PRKG1: variants seen among roughly 807,000 people sequenced by gnomAD.
PRKG1 encodes cGMP-dependent protein kinase 1.
In PRKG1, 35 loss-of-function variants were observed where a neutral mutation model predicts 88.1. The observed-to-expected ratio is 0.40, with a 90% confidence interval of 0.30 to 0.53. The LOEUF is 0.53. PRKG1 is among the 20% of genes least tolerant of loss of function. The pLI is 0.59. For synonymous variants in PRKG1, 303 were observed against 292.5 expected, an observed-to-expected ratio of 1.04 and a Z score of -0.37; for missense variants, 540 against 839.8, an observed-to-expected ratio of 0.64 and a Z score of 4.41.
At chr10:51,313,276 G>A (rs1488384412) in intron 2 of PRKG1, among the ~76,000 whole-genome samples, 4 of 152,116 alleles carry the variant, frequency 2.6e-5, no homozygotes, top group East Asian at 1.9e-4. Context: ...AGAGGTGAGC[G>A]TACTGGATTC....
chr10:52,020,098 TA>T (rs112207929), intron 5 of PRKG1, among the ~76,000 whole-genome samples: 2 of 151,868 alleles, frequency 1.3e-5, no homozygotes, highest in East Asian at 1.9e-4. Flanking sequence ...TGAGTTTTTT[TA>T]ATCTTCTGTA....
chr10:52,227,035 C>T (rs1468844123), intron 9 of PRKG1, among the ~76,000 whole-genome samples: 4 of 152,148 alleles, frequency 2.6e-5, no homozygotes, highest in African/African-American at 9.7e-5. Context: ...AGAATTTTAA[C>T]ATCTGGTCCT....
chr10:52,231,462 AAT>A (rs763725748), intron 9 of PRKG1: 18 of 152,268 alleles, frequency 1.2e-4, no homozygotes, highest in Admixed American at 2.0e-4. Context: ...AATATTTATC[AAT>A]ATGTTTAAAA....
chr10:52,037,142 G>A (rs1267787083), intron 5 of PRKG1, among the ~76,000 whole-genome samples: 2 of 152,224 alleles, frequency 1.3e-5, no homozygotes, highest in Non-Finnish European at 1.5e-5. Flanking sequence ...TTTCAGTGGG[G>A]TCCCACACAG....
intron 3 of PRKG1, among the ~76,000 whole-genome samples, chr10:51,495,269 T>C (rs1367166995): frequency 6.6e-6 from 1 of 152,126 alleles, no homozygotes; most frequent in Non-Finnish European, 1.5e-5. Flanking sequence ...TAATTTTTTG[T>C]ATTTTTAGTA....
At chr10:51,035,634 G>A (rs894975474) in intron 1 of PRKG1, among the ~76,000 whole-genome samples, 9 of 152,078 alleles carry the variant, frequency 5.9e-5, no homozygotes, top group African/African-American at 2.2e-4. Context: ...TTTATACACA[G>A]TAGGCATCTG....
At chr10:52,141,492 T>G (rs989596073) in intron 8 of PRKG1, among the ~76,000 whole-genome samples, 1 of 152,132 alleles carries the variant, frequency 6.6e-6, no homozygotes, top group African/African-American at 2.4e-5. Context: ...CAACCAGAGC[T>G]TACTGGTTAC....
chr10:51,095,229 T>C (rs1844499411), intron 1 of PRKG1, among the ~76,000 whole-genome samples: 2 of 152,152 alleles, frequency 1.3e-5, no homozygotes, highest in Non-Finnish European at 2.9e-5. Flanking sequence ...CCATGCTGAC[T>C]TTTAGTTTCG....
chr10:51,605,302 G>A (rs1838734539), intron 3 of PRKG1, among the ~76,000 whole-genome samples: 1 of 152,160 alleles, frequency 6.6e-6, no homozygotes, highest in South Asian at 2.1e-4. Flanking sequence ...ATGAAAACAG[G>A]AGTTCCTGTT....
intron 14 of PRKG1, among the ~76,000 whole-genome samples, chr10:52,282,915 C>T (rs1010091410): frequency 6.6e-6 from 1 of 151,908 alleles, no homozygotes. Flanking sequence ...GGGATGGGTT[C>T]GTAAAGAGGC....
At chr10:51,947,955 C>T (rs973602645) in intron 5 of PRKG1, among the ~76,000 whole-genome samples, 11 of 152,244 alleles carry the variant, frequency 7.2e-5, no homozygotes, top group African/African-American at 2.6e-4. Context: ...AGACTGGACA[C>T]CGTCATTAAT....
chr10:51,191,099 T>C (rs1307378096), intron 2 of PRKG1, among the ~76,000 whole-genome samples: 1 of 151,550 alleles, frequency 6.6e-6, no homozygotes, highest in Non-Finnish European at 1.5e-5. Flanking sequence ...TAAGATTTGT[T>C]TATCAGTTTG....
In PRKG1 at chr10:51,780,804, T is replaced by C. The variant is rs926919379; in HGVS notation, c.593-23781T>C. Among the ~76,000 whole-genome samples the C allele has an allele frequency of 7.9e-5, 12 of 152,176 alleles. No homozygotes were observed. The East Asian group carries it at 2.3e-3, about 29-fold the overall frequency. On this transcript the variant is annotated intron_variant, in intron 3 of 17. Coordinates refer to ENST00000373980, the MANE Select transcript of PRKG1 (RefSeq NM_006258.4). ...AAACTGCGAAGGTCATTAAGTTTGTTCCTGGTTATTTATTTGCAGGAAATG... is the reference window on the plus strand; with the variant it reads ...AAACTGCGAAGGTCATTAAGTTTGTCCCTGGTTATTTATTTGCAGGAAATG...
At chr10:51,472,276 T>G (rs10823055) in intron 3 of PRKG1, among the ~76,000 whole-genome samples, 67,857 of 151,658 alleles carry the variant, frequency 0.45, 15,809 homozygotes, top group African/African-American at 0.52. Flanking sequence ...TAGTGAAATG[T>G]CTTTACATTC....
intron 3 of PRKG1, among the ~76,000 whole-genome samples, chr10:51,737,918 C>T (rs1276730590): frequency 6.6e-6 from 1 of 150,918 alleles, no homozygotes; most frequent in African/African-American, 2.4e-5. Context: ...CACATGCCAC[C>T]ACGCCTGGCT....
chr10:52,003,694 A>G (rs1844657351), intron 5 of PRKG1, among the ~76,000 whole-genome samples: 1 of 152,200 alleles, frequency 6.6e-6, no homozygotes, highest in African/African-American at 2.4e-5. Flanking sequence ...GAAAGCTGAC[A>G]TTTTCTCTAG....
intron 9 of PRKG1, among the ~76,000 whole-genome samples, chr10:52,163,617 T>C (rs1838342926): frequency 2.0e-5 from 3 of 152,102 alleles, no homozygotes; most frequent in African/African-American, 7.2e-5. Context: ...CACTTAAAGT[T>C]GAGGCCGCTA....
At chr10:52,263,765 T>C (rs1841494992) in intron 10 of PRKG1, among the ~76,000 whole-genome samples, 1 of 151,808 alleles carries the variant, frequency 6.6e-6, no homozygotes, top group South Asian at 2.1e-4. Context: ...TGTAGAGACA[T>C]GGCCATGTTG....
At chr10:51,538,461 A>G (rs1273750580) in intron 3 of PRKG1, among the ~76,000 whole-genome samples, 1 of 69,274 alleles carries the variant, frequency 1.4e-5, no homozygotes, top group Non-Finnish European at 3.2e-5. Context: ...ATTATATAAT[A>G]TATAATGATG....
Sources: allele counts gnomAD v4.1 joint callset (sites outside exome capture counted in the v4.1 genomes callset), GRCh38; gene constraint gnomAD v4.1.1; transcripts MANE v1.5; gene names NCBI Gene and HGNC (gene_info 2026-07-23, HGNC 2026-07-21).